STXBP5: variants seen among roughly 807,000 people sequenced by gnomAD.
STXBP5 encodes syntaxin binding protein 5.
A neutral mutation model predicts 152.4 loss-of-function variants in STXBP5; 50 were observed. That is an observed-to-expected ratio of 0.33 (90% confidence interval 0.26 to 0.42). STXBP5 has a LOEUF of 0.42. STXBP5 is among the 10% of genes least tolerant of loss of function. The pLI, the probability that STXBP5 is intolerant of heterozygous loss-of-function variation, is 1.00. For synonymous variants in STXBP5, 492 were observed against 494.7 expected, an observed-to-expected ratio of 0.99 and a Z score of 0.07; for missense variants, 1,167 against 1,388.6, an observed-to-expected ratio of 0.84 and a Z score of 2.54.
chr6:147,314,674 T>C (rs1413715667), intron 14 of STXBP5, 38 bp downstream of exon 14: 2 of 1,490,968 alleles, frequency 1.3e-6, no homozygotes, highest in Non-Finnish European at 1.8e-6. Flanking sequence ...TTATATGTTA[T>C]ACAATCACTG....
intron 9 of STXBP5, among the ~76,000 whole-genome samples, chr6:147,295,330 A>G (rs980850584): frequency 2.6e-5 from 4 of 152,190 alleles, no homozygotes; most frequent in African/African-American, 9.7e-5. Context: ...AGAAATGATC[A>G]CCATTCAAAT....
At chr6:147,294,112 C>A (rs1372976971) in intron 9 of STXBP5, among the ~76,000 whole-genome samples, 3 of 152,066 alleles carry the variant, frequency 2.0e-5, no homozygotes, top group African/African-American at 7.2e-5. Flanking sequence ...TATTATGGAA[C>A]CAGTTCTTTC....
At chr6:147,255,113 T>G (rs1006495661) in intron 4 of STXBP5, among the ~76,000 whole-genome samples, 3 of 152,202 alleles carry the variant, frequency 2.0e-5, no homozygotes, top group Non-Finnish European at 4.4e-5. Flanking sequence ...GTGGCACATA[T>G]ACACCTGGAA....
chr6:147,263,966 C>T (rs909915542), intron 6 of STXBP5, among the ~76,000 whole-genome samples: 23 of 151,954 alleles, frequency 1.5e-4, no homozygotes, highest in African/African-American at 5.3e-4. Context: ...ATACAGGTTT[C>T]TATTTGCCAT....
At chr6:147,337,241 A>G (rs1316034835) in intron 19 of STXBP5, among the ~76,000 whole-genome samples, 1 of 119,358 alleles carries the variant, frequency 8.4e-6, no homozygotes, top group East Asian at 2.2e-4. Context: ...ATAAATTTTT[A>G]AACTGTTAGG....
chr6:147,207,615 T>C (rs566418308), intron 2 of STXBP5, among the ~76,000 whole-genome samples: 1 of 152,294 alleles, frequency 6.6e-6, no homozygotes, highest in South Asian at 2.1e-4. Context: ...CAAAACTCTG[T>C]AGTGACGAGA....
rs753031717 is a variant in STXBP5 at position 147,206,075 on chromosome 6, T to G, written c.248+7T>G. On this transcript the variant is annotated splice_region_variant and intron_variant, in intron 2 of 27. Transcript: ENST00000321680. ...AGACTGGTGCTTTAAGGCTGTATCC[T>G]TTCTTTAATTTTATTTTTTAACTTC... 6.2e-7 allele frequency: 1 copy of G among 1,608,176 alleles called. No homozygotes were observed. Among genetic ancestry groups the G allele is most frequent in the South Asian group, 1.1e-5 (1 of 90,796 alleles).
In STXBP5 at chr6:147,267,185, A is replaced by G. The variant is rs779260628; in HGVS notation, c.714+18A>G. 7 of 1,574,894 alleles carry G rather than the reference A, an allele frequency of 4.4e-6. No homozygotes were observed. The highest frequency in any genetic ancestry group is 6.0e-6 in the Non-Finnish European group (7 of 1,164,686). On this transcript the variant is annotated intron_variant, in intron 7 of 27. Coordinates refer to ENST00000321680, the MANE Select transcript of STXBP5 (RefSeq NM_001127715.4). Reference sequence around the variant, plus strand: ...ATGATGAGGTAATATTATTTTTGCTAGTAAAAGCTATGGTCATTTCTCTCA... The same window carrying G: ...ATGATGAGGTAATATTATTTTTGCTGGTAAAAGCTATGGTCATTTCTCTCA...
chr6:147,290,394 C>T (rs1781219651), intron 8 of STXBP5, among the ~76,000 whole-genome samples: 1 of 152,092 alleles, frequency 6.6e-6, no homozygotes, highest in Admixed American at 6.5e-5. Flanking sequence ...TCAGACCATT[C>T]CCAAGTTAGG....
chr6:147,293,583 T>C (rs1396890129), intron 9 of STXBP5, among the ~76,000 whole-genome samples: 1 of 152,196 alleles, frequency 6.6e-6, no homozygotes. Flanking sequence ...TTTGGCAAGT[T>C]ACCAAATTTT....
chr6:147,224,500 T>C (rs994511766), intron 2 of STXBP5, among the ~76,000 whole-genome samples: 1 of 152,222 alleles, frequency 6.6e-6, no homozygotes, highest in Non-Finnish European at 1.5e-5. Flanking sequence ...AAGTTGCAGG[T>C]GATCCTCACA....
At chr6:147,300,261 C>T (rs986928709) in intron 9 of STXBP5, among the ~76,000 whole-genome samples, 2 of 152,016 alleles carry the variant, frequency 1.3e-5, no homozygotes. Context: ...TATTTCCTAT[C>T]AAAAACCAAT....
At chr6:147,359,378 G>GA (rs1784960811) in intron 23 of STXBP5, 55 bp downstream of exon 23, 1 of 1,551,560 alleles carries the variant, frequency 6.4e-7, no homozygotes. Context: ...TACTATGATA[G>GA]AAGCCTTTGT....
At chr6:147,314,477 G>A (rs1404915905) in intron 13 of STXBP5, 119 bp from the exon 14 acceptor site, 2 of 1,326,844 alleles carry the variant, frequency 1.5e-6, no homozygotes, top group Non-Finnish European at 2.1e-6. Context: ...GAACCTGCCA[G>A]TTTACCCTGA....
chr6:147,318,982 G>C (rs1321967941), intron 16 of STXBP5, among the ~76,000 whole-genome samples: 1 of 152,014 alleles, frequency 6.6e-6, no homozygotes, highest in African/African-American at 2.4e-5. Flanking sequence ...GTTGGTGTTT[G>C]TGTCTTCTTA....
intron 6 of STXBP5, among the ~76,000 whole-genome samples, chr6:147,264,687 T>C (rs1234975081): frequency 6.6e-6 from 1 of 152,102 alleles, no homozygotes; most frequent in Non-Finnish European, 1.5e-5. Flanking sequence ...CTAATTAACA[T>C]CTCTATGGGT....
chr6:147,213,428 T>TTA (rs144122039), intron 2 of STXBP5, among the ~76,000 whole-genome samples: 2,881 of 87,560 alleles, frequency 0.033, 40 homozygotes, highest in African/African-American at 0.043. Flanking sequence ...TCACATAATT[T>TTA]TATATATGTG....
intron 24 of STXBP5, 50 bp from the exon 25 acceptor site, chr6:147,363,951 A>G (rs771820715): frequency 2.2e-5 from 34 of 1,577,852 alleles, no homozygotes; most frequent in Non-Finnish European, 2.8e-5. Flanking sequence ...TAGTGTGTTC[A>G]AGACTAAAAC....
At chr6:147,220,063 G>C (rs894773440) in intron 2 of STXBP5, among the ~76,000 whole-genome samples, 12 of 151,748 alleles carry the variant, frequency 7.9e-5, no homozygotes, top group African/African-American at 2.9e-4. Flanking sequence ...CATAAATTTT[G>C]ATAAGTTGTT....
Sources: allele counts gnomAD v4.1 joint callset (sites outside exome capture counted in the v4.1 genomes callset), GRCh38; gene constraint gnomAD v4.1.1; transcripts MANE v1.5; gene names NCBI Gene and HGNC (gene_info 2026-07-23, HGNC 2026-07-21).